Variants in DCAF12 observed in about 807,000 individuals in gnomAD.
DCAF12 encodes DDB1 and CUL4 associated factor 12.
A neutral mutation model predicts 52.8 loss-of-function variants in DCAF12; 28 were observed. The observed-to-expected ratio is 0.53, with a 90% CI of 0.39 to 0.73. The LOEUF (loss-of-function observed/expected upper bound fraction) is 0.73, where lower values mean the gene tolerates loss of function less well. Among genes scored for constraint, DCAF12 ranks in the 30% least tolerant of loss-of-function variants. The probability of loss-of-function intolerance (pLI) is 0.00; values close to 1 mark genes in which losing one functional copy is unlikely to be tolerated. For missense variants in DCAF12, 425 were observed against 552.2 expected (o/e 0.77, Z 2.31); for synonymous variants, 196 against 215.5 (o/e 0.91, Z 0.79).
intron 3 of DCAF12, among the ~76,000 whole-genome samples, chr9:34,107,070 C>G (rs1049806849): frequency 6.6e-6 from 1 of 152,164 alleles, no homozygotes; most frequent in Non-Finnish European, 1.5e-5. Context: ...TCTCAAACAA[C>G]GCCTAGCCAT....
chr9:34,111,233 C>T (rs529146787), intron 2 of DCAF12, among the ~76,000 whole-genome samples: 1 of 152,264 alleles, frequency 6.6e-6, no homozygotes, highest in East Asian at 1.9e-4. Flanking sequence ...ATCCACCTGC[C>T]TCAGCCTCCC....
At chr9:34,096,860 G>A (rs1356468756) in intron 5 of DCAF12, 79 bp from the exon 6 acceptor site, 1 of 1,348,888 alleles carries the variant, frequency 7.4e-7, no homozygotes, top group African/African-American at 1.5e-5. Flanking sequence ...AGGATTCTAA[G>A]GTCAGGGTCC....
intron 2 of DCAF12, among the ~76,000 whole-genome samples, chr9:34,107,781 C>T (rs952712633): frequency 2.6e-5 from 4 of 152,174 alleles, no homozygotes; most frequent in African/African-American, 9.7e-5. Context: ...TAATATGCTA[C>T]ATGAACACAG....
intron 6 of DCAF12, 52 bp from the exon 7 acceptor site, chr9:34,093,500 G>A (rs1447140433): frequency 6.3e-7 from 1 of 1,593,808 alleles, no homozygotes; most frequent in African/African-American, 1.3e-5. Context: ...GGGTAAGGCA[G>A]GGATATTGTT....
rs780851432 is a variant in DCAF12 at position 34,098,489 on chromosome 9, C to T, written c.630G>A (p.Trp210Ter). The change falls in exon 5 of 9, where the codon TGG becomes TGA. Residue 210 changes from tryptophan to a stop codon, truncating the protein, a stop_gained. Transcript: ENST00000361264. LOFTEE classifies it high-confidence loss of function. Reference sequence around the variant, plus strand: ...TGGTCAAAACATCATCTGTCACCTCCCAGAGTCCCATAGAACCATCACGTG... The same window carrying T: ...TGGTCAAAACATCATCTGTCACCTCTCAGAGTCCCATAGAACCATCACGTG... ...SGSRDGSMGL[W>*]EVTDDVLTKS... 6.2e-7 allele frequency: 1 copy of T among 1,613,934 alleles called. No homozygotes were observed.
intron 1 of DCAF12, 129 bp from the exon 2 acceptor site, chr9:34,125,406 G>A (rs1242064283): frequency 1.8e-6 from 2 of 1,091,240 alleles, no homozygotes; most frequent in Non-Finnish European, 1.3e-6. Flanking sequence ...ACAAACACAA[G>A]AGAACAAGAA....
At chr9:34,113,103 T>C (rs1377574921) in intron 2 of DCAF12, among the ~76,000 whole-genome samples, 3 of 151,906 alleles carry the variant, frequency 2.0e-5, no homozygotes, top group African/African-American at 7.3e-5. Context: ...CAGGCTGGAG[T>C]GCAATGGCAT....
chr9:34,126,309 G>A (rs1775715374), intron 1 of DCAF12, 45 bp downstream of exon 1: 1 of 1,604,326 alleles, frequency 6.2e-7, no homozygotes, highest in African/African-American at 1.3e-5. Flanking sequence ...AGCCCATCTT[G>A]GTTCCTCAGC....
intron 7 of DCAF12, among the ~76,000 whole-genome samples, chr9:34,091,658 A>C (rs1216764452): frequency 1.3e-5 from 2 of 151,282 alleles, no homozygotes; most frequent in African/African-American, 4.8e-5. Context: ...AAAAAAAAAA[A>C]AAACCACAAA....
At position 34,093,250 on chromosome 9, in the gene DCAF12, C is replaced by T. The variant is rs574982842; in HGVS notation, c.1024+36G>A. On this transcript the variant is annotated intron_variant, in intron 7 of 8. Coordinates refer to ENST00000361264, the MANE Select transcript of DCAF12 (RefSeq NM_015397.4). Reference sequence around the variant, plus strand: ...TGAAAGTCAGAACCCATATGCAGTGCAGCTGTAGGCCTGAGGTGCACACAG... The same window carrying T: ...TGAAAGTCAGAACCCATATGCAGTGTAGCTGTAGGCCTGAGGTGCACACAG... The T allele has an allele frequency of 1.2e-5, 20 of 1,612,294 alleles. No homozygotes were observed. In the South Asian group the frequency reaches 2.2e-4, roughly 18 times the overall value.
At chr9:34,114,920 T>C (rs1047543448) in intron 2 of DCAF12, among the ~76,000 whole-genome samples, 3 of 151,964 alleles carry the variant, frequency 2.0e-5, no homozygotes, top group African/African-American at 7.3e-5. Flanking sequence ...TGAGCTATAA[T>C]TGTGCCATTA....
chr9:34,107,656 A>G (rs1234057261), intron 2 of DCAF12, 91 bp from the exon 3 acceptor site: 3 of 1,103,300 alleles, frequency 2.7e-6, no homozygotes, highest in African/African-American at 3.1e-5. Flanking sequence ...GTTCATCAAC[A>G]TTTAATTAAC....
intron 3 of DCAF12, among the ~76,000 whole-genome samples, chr9:34,106,964 T>C (rs187787490): frequency 1.6e-4 from 24 of 152,290 alleles, no homozygotes; most frequent in African/African-American, 5.8e-4. Flanking sequence ...TGGTAAATAT[T>C]AGTTTATATG....
At chr9:34,111,102 C>T (rs1455422423) in intron 2 of DCAF12, among the ~76,000 whole-genome samples, 1 of 150,732 alleles carries the variant, frequency 6.6e-6, no homozygotes, top group Middle Eastern at 3.2e-3. Flanking sequence ...TCTCCTGCTT[C>T]AGCCCTCCGA....
Position 34,088,240 on chromosome 9 carries a change from G to T in DCAF12, c.*110C>A, listed in dbSNP as rs967901824. On this transcript the variant is annotated 3_prime_UTR_variant, in exon 9 of 9. Coordinates refer to ENST00000361264, the MANE Select transcript of DCAF12 (RefSeq NM_015397.4). ...GCCTAAACTATAGGCAAACTTTGGT[G>T]TTCCCACTAAAACACAAGAGCCTCA... 12 of 1,250,840 alleles carry T rather than the reference G, an allele frequency of 9.6e-6. 1 individual carries two copies. The Admixed American group carries it at 3.2e-4, about 34-fold the overall frequency. 77.5% of individuals were successfully genotyped at this position (1,250,840 alleles called of 1,614,324 possible).
chr9:34,092,706 C>A (rs77192126), intron 7 of DCAF12, among the ~76,000 whole-genome samples: 107 of 149,650 alleles, frequency 7.2e-4, no homozygotes, highest in South Asian at 4.4e-3. Flanking sequence ...ACAACAACAA[C>A]AAAAAAAAAG....
rs537890723 is a variant in DCAF12 at position 34,094,478 on chromosome 9, C to T, written c.862-1030G>A. Among the ~76,000 whole-genome samples the T allele has an allele frequency of 1.4e-4, 22 of 151,840 alleles. 1 individual carries two copies. In the East Asian group the frequency reaches 3.5e-3, roughly 24 times the overall value. ...ATGTAAAAGTTGCTTGTTGAATCTC[C>T]CTTATCCAAAAGGCTTGTGACTACA... On this transcript the variant is annotated intron_variant, in intron 6 of 8. Coordinates refer to ENST00000361264, the MANE Select transcript of DCAF12 (RefSeq NM_015397.4).
intron 8 of DCAF12, 99 bp from the exon 9 acceptor site, chr9:34,088,607 C>A: frequency 7.6e-7 from 1 of 1,308,772 alleles, no homozygotes; most frequent in South Asian, 1.2e-5. Context: ...CTTAAGGGAA[C>A]AGGGTTCTAC....
At chr9:34,124,243 G>A (rs912485433) in intron 2 of DCAF12, among the ~76,000 whole-genome samples, 3 of 152,118 alleles carry the variant, frequency 2.0e-5, no homozygotes, top group Non-Finnish European at 2.9e-5. Flanking sequence ...GGTGAAAACC[G>A]AGGGAGGGCT....
Sources: allele counts gnomAD v4.1 joint callset (sites outside exome capture counted in the v4.1 genomes callset), GRCh38; gene constraint gnomAD v4.1.1; transcripts MANE v1.5; gene names NCBI Gene and HGNC (gene_info 2026-07-23, HGNC 2026-07-21).